Variants in PLCE1 observed in about 807,000 individuals in gnomAD.
PLCE1 encodes phospholipase C epsilon 1.
PLCE1 carries 119 observed loss-of-function variants against 242.8 expected under a neutral mutation model. The ratio of observed to expected loss-of-function variants is 0.49; its 90% confidence interval spans 0.42 to 0.57. PLCE1 has a LOEUF of 0.57. Among genes scored for constraint, PLCE1 ranks in the 20% least tolerant of loss-of-function variants. The pLI is 0.00. For missense variants in PLCE1, 2,441 were observed against 2,788.8 expected, an observed-to-expected ratio of 0.88 and a Z score of 2.81; for synonymous variants, 945 against 1,017.4, an observed-to-expected ratio of 0.93 and a Z score of 1.35.
At chr10:94,325,191 CT>C (rs2053964870) in intron 32 of PLCE1, 87 bp downstream of exon 32, 1 of 973,458 alleles carries the variant, frequency 1.0e-6, no homozygotes, top group East Asian at 2.4e-5. Context: ...TGTCTTTTAT[CT>C]TTTCCAACAG....
At chr10:94,148,662 A>G (rs2047186292) in intron 3 of PLCE1, among the ~76,000 whole-genome samples, 1 of 152,216 alleles carries the variant, frequency 6.6e-6, no homozygotes, top group Non-Finnish European at 1.5e-5. Context: ...TTCCAAGAAA[A>G]AGAGAGAAAG....
At chr10:94,281,380 A>C (rs534721339) in intron 20 of PLCE1, among the ~76,000 whole-genome samples, 1 of 152,306 alleles carries the variant, frequency 6.6e-6, no homozygotes, top group South Asian at 2.1e-4. Flanking sequence ...TAGATTTCAC[A>C]TAAAGAAATA....
At chr10:94,110,945 T>C (rs866927400) in intron 2 of PLCE1, among the ~76,000 whole-genome samples, 1 of 152,216 alleles carries the variant, frequency 6.6e-6, no homozygotes, top group Non-Finnish European at 1.5e-5. Context: ...ACAAGATGCC[T>C]GTAGCATGCC....
At chr10:94,264,788 A>G (rs960806101) in intron 14 of PLCE1, among the ~76,000 whole-genome samples, 3 of 151,946 alleles carry the variant, frequency 2.0e-5, no homozygotes, top group African/African-American at 7.2e-5. Context: ...CCAAAGTGCT[A>G]GGATTACAGG....
At chr10:94,020,311 G>A (rs1226122998) in intron 1 of PLCE1, among the ~76,000 whole-genome samples, 1 of 152,052 alleles carries the variant, frequency 6.6e-6, no homozygotes, top group Admixed American at 6.6e-5. Flanking sequence ...TCAATAAAGT[G>A]CTTATTCAAA....
At chr10:94,154,052 G>T (rs538039727) in intron 3 of PLCE1, among the ~76,000 whole-genome samples, 1 of 152,198 alleles carries the variant, frequency 6.6e-6, no homozygotes, top group South Asian at 2.1e-4. Context: ...TTTTTTTAAA[G>T]ATTTCTTATT....
rs951373007 is a variant in PLCE1, at chr10:94,114,815, C to T, written c.1207-17359C>T. Reference sequence around the variant, plus strand: ...GGTACATGTGCACACATGTGCACAACGTGCAGATTTGTTACATATGTATAC... The same window carrying T: ...GGTACATGTGCACACATGTGCACAATGTGCAGATTTGTTACATATGTATAC... On this transcript the variant is annotated intron_variant, in intron 2 of 32. Coordinates refer to ENST00000371380, the MANE Select transcript of PLCE1 (RefSeq NM_016341.4). Among the ~76,000 whole-genome samples the T allele has an allele frequency of 3.0e-4, 45 of 151,464 alleles. 1 individual carries two copies. Among genetic ancestry groups the T allele is most frequent in the Middle Eastern group, 3.4e-3 (1 of 292 alleles).
At position 94,329,764 on chromosome 10, in the gene PLCE1, G is replaced by C. The variant is rs979924758; in HGVS notation, c.*1821G>C. ...CCACGCTCCAGCCTGGTGACAGAGCGAGACTCCGTCTCAAAAAAAAAAAAA... is the reference window on the plus strand; with the variant it reads ...CCACGCTCCAGCCTGGTGACAGAGCCAGACTCCGTCTCAAAAAAAAAAAAA... On this transcript the variant is annotated 3_prime_UTR_variant, in exon 33 of 33. Coordinates refer to ENST00000371380, the MANE Select transcript of PLCE1 (RefSeq NM_016341.4). 5 of 105,394 alleles carry C rather than the reference G, an allele frequency of 4.7e-5. No individual in the cohort carries two copies. Among genetic ancestry groups the C allele is most frequent in the Non-Finnish European group, 6.9e-5 (4 of 57,816 alleles). 6.5% of individuals were successfully genotyped at this position (105,394 alleles called of 1,614,324 possible).
chr10:94,003,766 GCTTGTGCT>G (rs776670178), intron 1 of PLCE1, among the ~76,000 whole-genome samples: 163 of 152,250 alleles, frequency 1.1e-3, no homozygotes, highest in Non-Finnish European at 1.9e-3. Context: ...GGTAATTGGG[GCTTGTGCT>G]CTTGTAAGAA....
At chr10:94,040,212 T>G (rs914397138) in intron 2 of PLCE1, among the ~76,000 whole-genome samples, 2 of 152,158 alleles carry the variant, frequency 1.3e-5, no homozygotes, top group African/African-American at 4.8e-5. Context: ...TGCCTCAGCC[T>G]CCGAAAGTAC....
At chr10:94,226,209 T>C (rs887232320) in intron 4 of PLCE1, among the ~76,000 whole-genome samples, 1 of 152,254 alleles carries the variant, frequency 6.6e-6, no homozygotes, top group Admixed American at 6.5e-5. Context: ...TTTTAAATAT[T>C]GTCCTCCAGT....
Position 94,331,307 on chromosome 10 carries a change from T to C in PLCE1, c.*3364T>C, listed in dbSNP as rs556441369. On this transcript the variant is annotated 3_prime_UTR_variant, in exon 33 of 33. Transcript: ENST00000371380. ...GTGGGCCCTCTATGATATGTATCAA[T>C]TTACCTTTTGCTAACTACATCGTCC... 1 of 152,310 alleles carries C rather than the reference T, an allele frequency of 6.6e-6. No homozygotes were observed. The highest frequency in any genetic ancestry group is 6.5e-5 in the Admixed American group (1 of 15,298). 9.4% of individuals were successfully genotyped at this position (152,310 alleles called of 1,614,324 possible).
At chr10:94,018,704 T>C (rs1367495558) in intron 1 of PLCE1, among the ~76,000 whole-genome samples, 1 of 152,156 alleles carries the variant, frequency 6.6e-6, no homozygotes. Context: ...CATATCCTAA[T>C]TTTTTTCTTT....
chr10:94,063,894 A>C (rs949109697), intron 2 of PLCE1, among the ~76,000 whole-genome samples: 1 of 152,046 alleles, frequency 6.6e-6, no homozygotes, highest in African/African-American at 2.4e-5. Flanking sequence ...AAGAGTAAAG[A>C]GTTTTTCAGG....
rs2133960740 is a variant in PLCE1 at position 94,328,980 on chromosome 10, T to A, written c.*1037T>A. Reference sequence around the variant, plus strand: ...AAGTAGATTGAGTTGGCGTTTAAATTTATTTTGCAAGGTTTGTACTGACAC... The same window carrying A: ...AAGTAGATTGAGTTGGCGTTTAAATATATTTTGCAAGGTTTGTACTGACAC... On this transcript the variant is annotated 3_prime_UTR_variant, in exon 33 of 33. Coordinates refer to ENST00000371380, the MANE Select transcript of PLCE1 (RefSeq NM_016341.4). 1 of 152,350 alleles carries A rather than the reference T, an allele frequency of 6.6e-6. No homozygotes were observed. The highest frequency in any genetic ancestry group is 2.1e-4 in the South Asian group (1 of 4,830). The allele number at this position is 152,350 out of a possible 1,614,324, so 9.4% of individuals were successfully genotyped here. A position where few individuals can be genotyped will look rare whatever the true frequency, so the allele number is the denominator to read the frequency against.
Position 94,279,989 on chromosome 10 carries a change from C to T in PLCE1, c.4795+78C>T, listed in dbSNP as rs1274734622. On this transcript the variant is annotated intron_variant, in intron 20 of 32. Coordinates refer to ENST00000371380, the MANE Select transcript of PLCE1 (RefSeq NM_016341.4). ...CCACATTTTTCTTTCTAAAATAAGT[C>T]TAGAGCGCCAAAGACCAGTAATACG... 3 of 1,469,770 alleles carry T rather than the reference C, an allele frequency of 2.0e-6. No homozygotes were observed. The East Asian group carries it at 6.8e-5, about 33-fold the overall frequency. 91.0% of individuals were successfully genotyped at this position (1,469,770 alleles called of 1,614,324 possible).
intron 2 of PLCE1, among the ~76,000 whole-genome samples, chr10:94,047,404 G>C (rs1242583833): frequency 6.6e-6 from 1 of 152,198 alleles, no homozygotes; most frequent in Non-Finnish European, 1.5e-5. Flanking sequence ...TTTCACAGGA[G>C]TCCATGGGAT....
intron 4 of PLCE1, among the ~76,000 whole-genome samples, chr10:94,196,085 T>C (rs983271445): frequency 6.6e-6 from 1 of 152,194 alleles, no homozygotes; most frequent in Non-Finnish European, 1.5e-5. Context: ...GGATAATAAT[T>C]CCTTCTAGTT....
chr10:94,175,383 A>G (rs1344413203), intron 4 of PLCE1, among the ~76,000 whole-genome samples: 1 of 151,752 alleles, frequency 6.6e-6, no homozygotes, highest in African/African-American at 2.4e-5. Context: ...TCATTCATTC[A>G]TTCATTCATT....
Sources: allele counts gnomAD v4.1 joint callset (sites outside exome capture counted in the v4.1 genomes callset), GRCh38; gene constraint gnomAD v4.1.1; transcripts MANE v1.5; gene names NCBI Gene and HGNC (gene_info 2026-07-23, HGNC 2026-07-21).